STAC: variants seen among roughly 807,000 people sequenced by gnomAD.
The protein encoded by STAC is SH3 and cysteine-rich domain-containing protein.
STAC carries 43 observed loss-of-function variants against 48.8 expected under a neutral mutation model. The ratio of observed to expected loss-of-function variants is 0.88; its 90% CI spans 0.69 to 1.14. The LOEUF (loss-of-function observed/expected upper bound fraction) is 1.14, where lower values mean the gene tolerates loss of function less well. Among genes scored for constraint, STAC ranks in the 50% most tolerant of loss-of-function variants. The pLI is 0.00. For synonymous variants in STAC, 193 were observed against 179.5 expected (o/e 1.07, Z -0.60); for missense variants, 497 against 504.0 (o/e 0.99, Z 0.13).
Position 36,441,242 on chromosome 3 carries a change from C to T in STAC, c.112-2122C>T, listed in dbSNP as rs190011955. 9.2e-5 allele frequency among the ~76,000 whole-genome samples: 14 copies of T among 152,204 alleles called. No homozygotes were observed. In the East Asian group the frequency reaches 2.5e-3, roughly 27 times the overall value. ...TAGTAAAAAATCTCTCCCTATCCTC[C>T]CTTCTCCCTGTGCTTGCCAGTCTCT... On this transcript the variant is annotated intron_variant, in intron 1 of 10. Coordinates refer to ENST00000273183, the MANE Select transcript of STAC (RefSeq NM_003149.3).
chr3:36,415,521 C>A (rs902383750), intron 1 of STAC, among the ~76,000 whole-genome samples: 24 of 152,174 alleles, frequency 1.6e-4, no homozygotes, highest in African/African-American at 5.6e-4. Context: ...GTGGGAGTGA[C>A]CCAGTTTTCC....
chr3:36,511,386 T>C (rs1320617044), intron 8 of STAC, among the ~76,000 whole-genome samples: 1 of 152,196 alleles, frequency 6.6e-6, no homozygotes, highest in Non-Finnish European at 1.5e-5. Context: ...AATGTGGTGT[T>C]CACTGGCCTA....
chr3:36,505,865 T>C, intron 8 of STAC, 31 bp downstream of exon 8: 4 of 1,465,160 alleles, frequency 2.7e-6, no homozygotes, highest in Admixed American at 2.0e-5. Flanking sequence ...AAAAAAAGAG[T>C]AAAATTTTAA....
In STAC at chr3:36,534,499, G is replaced by T. The variant is rs1239107145; in HGVS notation, c.1110+5514G>T. Among the ~76,000 whole-genome samples the T allele has an allele frequency of 2.0e-5, 3 of 151,970 alleles. No homozygotes were observed. In the East Asian group the frequency reaches 5.8e-4, roughly 29 times the overall value. ...ATTAACAAGAAAATAAAAGAAATTTGATTCTAAAGATAAATGCAATGCACA... is the reference window on the plus strand; with the variant it reads ...ATTAACAAGAAAATAAAAGAAATTTTATTCTAAAGATAAATGCAATGCACA... On this transcript the variant is annotated intron_variant, in intron 10 of 10. Coordinates refer to ENST00000273183, the MANE Select transcript of STAC (RefSeq NM_003149.3).
chr3:36,431,901 G>GA (rs530263885), intron 1 of STAC, among the ~76,000 whole-genome samples: 35 of 152,092 alleles, frequency 2.3e-4, no homozygotes, highest in African/African-American at 7.2e-4. Context: ...GTATTCAGTA[G>GA]AAAAAAGGGC....
At chr3:36,509,997 A>G (rs1425652328) in intron 8 of STAC, among the ~76,000 whole-genome samples, 1 of 152,162 alleles carries the variant, frequency 6.6e-6, no homozygotes, top group Non-Finnish European at 1.5e-5. Flanking sequence ...GCACAGCAAA[A>G]GAAACTATCA....
At chr3:36,501,930 C>A (rs371415582) in intron 6 of STAC, among the ~76,000 whole-genome samples, 22 of 152,156 alleles carry the variant, frequency 1.4e-4, no homozygotes, top group African/African-American at 4.8e-4. Flanking sequence ...CAGTAAGAAC[C>A]CATAAAGTAT....
chr3:36,517,844 C>T (rs2125723035), intron 8 of STAC, among the ~76,000 whole-genome samples: 1 of 152,050 alleles, frequency 6.6e-6, no homozygotes, highest in South Asian at 2.1e-4. Context: ...TAAATAACCT[C>T]CCACACACAC....
chr3:36,384,394 G>T (rs1699573843), intron 1 of STAC, among the ~76,000 whole-genome samples: 1 of 152,138 alleles, frequency 6.6e-6, no homozygotes, highest in African/African-American at 2.4e-5. Flanking sequence ...TCATGGGGAT[G>T]CTGATGGGGC....
intron 1 of STAC, among the ~76,000 whole-genome samples, chr3:36,438,221 G>A (rs370991504): frequency 1.2e-4 from 19 of 152,198 alleles, no homozygotes; most frequent in East Asian, 7.7e-4. Flanking sequence ...GTGAGCCACC[G>A]CACCCGGCCT....
chr3:36,436,526 G>A (rs1396322419), intron 1 of STAC, among the ~76,000 whole-genome samples: 2 of 152,196 alleles, frequency 1.3e-5, no homozygotes, highest in Non-Finnish European at 1.5e-5. Context: ...CAGATACCCT[G>A]CCCTTGATCT....
intron 1 of STAC, among the ~76,000 whole-genome samples, chr3:36,412,162 T>G (rs1700209359): frequency 1.3e-5 from 2 of 152,186 alleles, no homozygotes; most frequent in South Asian, 2.1e-4. Flanking sequence ...AAGATCTTCC[T>G]TTGCTCAGCC....
chr3:36,447,874 T>G (rs143467740), intron 2 of STAC, among the ~76,000 whole-genome samples: 2 of 152,340 alleles, frequency 1.3e-5, no homozygotes, highest in East Asian at 3.9e-4. Context: ...GTACAGCTTG[T>G]AAATAATAAA....
At chr3:36,419,200 C>A (rs925726358) in intron 1 of STAC, among the ~76,000 whole-genome samples, 1 of 152,104 alleles carries the variant, frequency 6.6e-6, no homozygotes, top group African/African-American at 2.4e-5. Context: ...AAATTCAATT[C>A]TATCTAATAT....
chr3:36,443,648 C>T lies in STAC; in HGVS notation c.388+8C>T, dbSNP rs746083863. On this transcript the variant is annotated splice_region_variant and intron_variant, in intron 2 of 10. Transcript: ENST00000273183. The surrounding 1 kb of genome is among the most constrained non-coding windows in gnomAD (Gnocchi z 4.2). ...GCAACCACATGATAGTGGGTAAGGCCTCCCACCCCTTTCTCCAGATCCCAG... is the reference window on the plus strand; with the variant it reads ...GCAACCACATGATAGTGGGTAAGGCTTCCCACCCCTTTCTCCAGATCCCAG... 77 of 1,607,272 alleles carry T rather than the reference C, an allele frequency of 4.8e-5. 1 individual carries two copies. The South Asian group carries it at 8.2e-4, about 17-fold the overall frequency.
intron 8 of STAC, among the ~76,000 whole-genome samples, chr3:36,506,839 T>A (rs149253263): frequency 1.9e-3 from 284 of 152,198 alleles, no homozygotes; most frequent in African/African-American, 6.5e-3. Flanking sequence ...GATGATGGGG[T>A]TTTCTAAATA....
chr3:36,474,034 A>G (rs1335171091), intron 2 of STAC, among the ~76,000 whole-genome samples: 3 of 152,168 alleles, frequency 2.0e-5, no homozygotes, highest in Non-Finnish European at 4.4e-5. Flanking sequence ...ACCAGCTTGG[A>G]GGGCTTAGCA....
Position 36,513,359 on chromosome 3 carries a change from G to T in STAC, c.920+7525G>T, listed in dbSNP as rs143633355. Among the ~76,000 whole-genome samples, 1,031 of 152,194 alleles carry T rather than the reference G, an allele frequency of 6.8e-3. 9 individuals carry two copies. The highest frequency in any genetic ancestry group is 0.024 in the African/African-American group (984 of 41,530). The stretch of plus-strand genomic sequence containing the variant: ...CCAGGCCTCAAGCCAGCCAGGGAGA[G>T]GACTCACTCTACTTTTGCCCAAAAT... On this transcript the variant is annotated intron_variant, in intron 8 of 10. Coordinates refer to ENST00000273183, the MANE Select transcript of STAC (RefSeq NM_003149.3).
At position 36,393,578 on chromosome 3, in the gene STAC, G is replaced by A. The variant is rs577750767; in HGVS notation, c.111+12824G>A. On this transcript the variant is annotated intron_variant, in intron 1 of 10. Coordinates refer to ENST00000273183, the MANE Select transcript of STAC (RefSeq NM_003149.3). Reference sequence around the variant, plus strand: ...CTAATCTCCAATGTGATAGTGTTTGGACATCAGCCTTTGGGAGATAATTAG... The same window carrying A: ...CTAATCTCCAATGTGATAGTGTTTGAACATCAGCCTTTGGGAGATAATTAG... 2.0e-5 allele frequency among the ~76,000 whole-genome samples: 3 copies of A among 151,562 alleles called. No homozygotes were observed. The East Asian group carries it at 5.9e-4, about 30-fold the overall frequency.
Sources: allele counts gnomAD v4.1 joint callset (sites outside exome capture counted in the v4.1 genomes callset), GRCh38; gene constraint gnomAD v4.1.1; non-coding constraint Gnocchi (gnomAD v3.1); transcripts MANE v1.5; gene names NCBI Gene and HGNC (gene_info 2026-07-23, HGNC 2026-07-21).